The following MECOM variants were observed in gnomAD, a reference collection of about 807,000 sequenced individuals.
MECOM encodes MDS1 and EVI1 complex locus.
A neutral mutation model predicts 116.3 loss-of-function variants in MECOM; 13 were observed. The ratio of observed to expected loss-of-function variants is 0.11; its 90% CI spans 0.07 to 0.18. The LOEUF is 0.18. Among genes scored for constraint, MECOM ranks in the 10% least tolerant of loss-of-function variants. MECOM has a pLI of 1.00. For missense variants in MECOM, 1,299 were observed against 1,509.0 expected (o/e 0.86, Z 2.31); for synonymous variants, 528 against 535.2 (o/e 0.99, Z 0.19).
intron 1 of MECOM, among the ~76,000 whole-genome samples, chr3:169,481,493 C>A (rs886108615): frequency 6.6e-6 from 1 of 151,876 alleles, no homozygotes; most frequent in African/African-American, 2.4e-5. Context: ...GCAGGGGGTG[C>A]AGTAAGCCAA....
chr3:169,602,276 G>A (rs576256296), intron 1 of MECOM, among the ~76,000 whole-genome samples: 43 of 152,276 alleles, frequency 2.8e-4, no homozygotes, highest in East Asian at 2.7e-3. Context: ...TTCTCTATTC[G>A]TCAGCTAGCA....
At position 169,552,175 on chromosome 3, in the gene MECOM, T is replaced by C. The variant is rs565497340; in HGVS notation, c.37+111161A>G. On this transcript the variant is annotated intron_variant, in intron 1 of 16. Transcript: ENST00000651503. ...AAATTGTATACTTTAAAAAGGTATT[T>C]TATGGTATGTCAATTATATCACAAT... Among the ~76,000 whole-genome samples, 171 of 150,562 alleles carry C rather than the reference T, an allele frequency of 1.1e-3. 3 individuals carry two copies. Among genetic ancestry groups the C allele is most frequent in the Non-Finnish European group, 2.1e-3 (140 of 67,718 alleles).
chr3:169,217,846 AT>A (rs1751606126), intron 2 of MECOM, among the ~76,000 whole-genome samples: 5 of 65,336 alleles, frequency 7.7e-5, no homozygotes, highest in Middle Eastern at 0.014. Context: ...TATATGTAAT[AT>A]ATATATATAT....
At chr3:169,604,947 A>G (rs971257837) in intron 1 of MECOM, among the ~76,000 whole-genome samples, 1 of 152,226 alleles carries the variant, frequency 6.6e-6, no homozygotes, top group Non-Finnish European at 1.5e-5. Flanking sequence ...ATCCTATTTA[A>G]GACAGAATGA....
intron 1 of MECOM, among the ~76,000 whole-genome samples, chr3:169,645,711 C>T (rs1293206390): frequency 6.6e-6 from 1 of 152,180 alleles, no homozygotes; most frequent in Non-Finnish European, 1.5e-5. Flanking sequence ...AAAGACAACC[C>T]TATGCCTGTA....
intron 1 of MECOM, among the ~76,000 whole-genome samples, chr3:169,562,360 G>A (rs943060313): frequency 4.6e-5 from 7 of 151,992 alleles, no homozygotes; most frequent in Non-Finnish European, 7.4e-5. Flanking sequence ...AAGTAAAGTC[G>A]TTTGCAGTCT....
chr3:169,379,559 G>T (rs927501104), intron 2 of MECOM, among the ~76,000 whole-genome samples: 2 of 152,036 alleles, frequency 1.3e-5, no homozygotes, highest in African/African-American at 4.8e-5. Context: ...AATTATTTTT[G>T]AATTTCCTCC....
chr3:169,375,084 G>A (rs1730787465), intron 2 of MECOM, among the ~76,000 whole-genome samples: 1 of 151,944 alleles, frequency 6.6e-6, no homozygotes, highest in Non-Finnish European at 1.5e-5. Context: ...TATGGAAGAA[G>A]CAAACTTGAG....
At chr3:169,387,634 A>C (rs1255151876) in intron 1 of MECOM, among the ~76,000 whole-genome samples, 1 of 152,216 alleles carries the variant, frequency 6.6e-6, no homozygotes, top group African/African-American at 2.4e-5. Flanking sequence ...TTTGACTATA[A>C]AGTAAGACTG....
At chr3:169,380,948 T>A (rs1390250956) in intron 2 of MECOM, among the ~76,000 whole-genome samples, 4 of 152,220 alleles carry the variant, frequency 2.6e-5, no homozygotes. Context: ...CTTTAGTATT[T>A]TTTCAAATCA....
At chr3:169,290,268 G>GA (rs886591688) in intron 2 of MECOM, among the ~76,000 whole-genome samples, 1 of 151,958 alleles carries the variant, frequency 6.6e-6, no homozygotes, top group East Asian at 1.9e-4. Flanking sequence ...GTAACTGGGG[G>GA]AAAAAAACTA....
In MECOM at chr3:169,238,648, CT is replaced by C. The variant is rs372323959; in HGVS notation, c.376-94817del. The stretch of plus-strand genomic sequence containing the variant: ...TCCAAAGGTTTAGCTAAAATATCCC[CT>C]GGACTCTCTTATAAAAGTTTGCATA... On this transcript the variant is annotated intron_variant, in intron 2 of 16. Transcript: ENST00000651503. Among the ~76,000 whole-genome samples, 80 of 152,258 alleles carry C rather than the reference CT, an allele frequency of 5.3e-4. 1 individual carries two copies. The highest frequency in any genetic ancestry group is 3.4e-3 in the Middle Eastern group (1 of 292).
In MECOM at chr3:169,102,051, T is replaced by C. The variant is rs377390952; in HGVS notation, c.2771+9A>G. 271 of 1,609,854 alleles carry C rather than the reference T, an allele frequency of 1.7e-4. 2 individuals are homozygous for C. The African/African-American group carries it at 3.2e-3, about 19-fold the overall frequency. ...CTGGAAAGTCAGCCATAATTAACTG[T>C]GCAGTTACCTGCAGGTATAGCGCTC... On this transcript the variant is annotated intron_variant, in intron 11 of 16. Transcript: ENST00000651503.
intron 2 of MECOM, among the ~76,000 whole-genome samples, chr3:169,238,190 A>G (rs1313218097): frequency 3.3e-5 from 5 of 151,230 alleles, no homozygotes; most frequent in African/African-American, 1.2e-4. Flanking sequence ...AAAAAAAAAA[A>G]GAAAAAAGAA....
Position 169,102,116 on chromosome 3 carries a change from A to G in MECOM, c.2715T>C (p.Pro905=), listed in dbSNP as rs1191566176. The G allele has an allele frequency of 1.2e-6, 2 of 1,613,742 alleles. No individual in the cohort carries two copies. Among genetic ancestry groups the G allele is most frequent in the East Asian group, 2.2e-5 (1 of 44,858 alleles). The change falls in exon 11 of 17, where the codon CCT becomes CCC. Residue 905 remains proline, a synonymous_variant. Transcript: ENST00000651503. ...GAAGGTTCTCTGGCAGGGCATTGGG[A>G]GGCGCCCTGAAGTTGAACATAGAGG... is the stretch of plus-strand genomic sequence containing the variant. ...SVPSMFNFRA[P]PNALPENLLR...
Position 169,662,638 on chromosome 3 carries a change from C to A in MECOM, c.37+698G>T, listed in dbSNP as rs368936873. ...CCCCTACTCCCCGCCGCAGTCCTCCCGCCGCGCAGCGCCGCGCCGGAGAGC... is the reference window on the plus strand; with the variant it reads ...CCCCTACTCCCCGCCGCAGTCCTCCAGCCGCGCAGCGCCGCGCCGGAGAGC... On this transcript the variant is annotated intron_variant, in intron 1 of 16. Coordinates refer to ENST00000651503, the MANE Select transcript of MECOM (RefSeq NM_004991.4). 3.0e-3 allele frequency among the ~76,000 whole-genome samples: 450 copies of A among 150,678 alleles called. 2 individuals are homozygous for A. Among genetic ancestry groups the A allele is most frequent in the African/African-American group, 0.01 (418 of 41,068 alleles).
chr3:169,378,452 G>GAGAGAGAGAGAGAAA (rs1491467574), intron 2 of MECOM, among the ~76,000 whole-genome samples: 1 of 64,554 alleles, frequency 1.5e-5, no homozygotes, highest in Non-Finnish European at 3.0e-5. Context: ...AAAGAAAGAA[G>GAGAGAGAGAGAGAAA]GAAAGCAAGC....
chr3:169,475,862 G>C (rs999550673), intron 1 of MECOM, among the ~76,000 whole-genome samples: 2 of 152,128 alleles, frequency 1.3e-5, no homozygotes, highest in Non-Finnish European at 2.9e-5. Flanking sequence ...GATGTCTCTG[G>C]CTCAAAGATA....
chr3:169,547,448 T>A (rs1025092906), intron 1 of MECOM, among the ~76,000 whole-genome samples: 4 of 152,304 alleles, frequency 2.6e-5, no homozygotes, highest in African/African-American at 9.6e-5. Context: ...ACATGCCATA[T>A]GTGTGTATAA....
Sources: gnomAD v4.1 joint callset for allele counts (sites outside exome capture counted in the v4.1 genomes callset) on GRCh38, gnomAD v4.1.1 for gene constraint, MANE v1.5 for transcripts, NCBI Gene and HGNC (gene_info 2026-07-23, HGNC 2026-07-21) for gene names.